HSD17B12: variants seen among roughly 807,000 people sequenced by gnomAD.
The protein encoded by HSD17B12 is hydroxysteroid 17-beta dehydrogenase 12.
In HSD17B12, 32 loss-of-function variants were observed where a neutral mutation model predicts 39.3. The observed-to-expected ratio is 0.81, with a 90% CI of 0.61 to 1.09. HSD17B12 has a LOEUF of 1.09. HSD17B12 is among the 50% of genes least tolerant of loss of function. HSD17B12 has a pLI of 0.00. For synonymous variants in HSD17B12, 150 were observed against 146.7 expected (o/e 1.02, Z -0.16); for missense variants, 342 against 382.9 (o/e 0.89, Z 0.89).
the HSD17B12 span, among the ~76,000 whole-genome samples, chr11:43,584,971 A>T: frequency 6.6e-6 from 1 of 152,142 alleles, no homozygotes; most frequent in Non-Finnish European, 1.5e-5. Flanking sequence ...CTCAGTACTG[A>T]GGGGTGTAGG....
chr11:43,569,892 A>G, the HSD17B12 span: 3 of 152,530 alleles, frequency 2.0e-5, no homozygotes, highest in African/African-American at 7.2e-5. Context: ...TCCTATTAAC[A>G]TTTGCCATAA....
intron 7 of HSD17B12, among the ~76,000 whole-genome samples, chr11:43,837,472 C>T (rs961347579): frequency 6.6e-6 from 1 of 152,106 alleles, no homozygotes; most frequent in Non-Finnish European, 1.5e-5. Context: ...CTACACTTTA[C>T]CTAACCTATA....
chr11:43,612,690 G>A, the HSD17B12 span, among the ~76,000 whole-genome samples: 4 of 152,218 alleles, frequency 2.6e-5, no homozygotes, highest in Non-Finnish European at 4.4e-5. Flanking sequence ...ACAGGCGTGA[G>A]CCTGTAAAGG....
chr11:43,659,488 G>T, the HSD17B12 span, among the ~76,000 whole-genome samples: 1 of 152,166 alleles, frequency 6.6e-6, no homozygotes, highest in African/African-American at 2.4e-5. Context: ...CATCGCTCAC[G>T]CTGGGAGCTG....
chr11:43,837,409 A>G (rs1460534485), intron 7 of HSD17B12, among the ~76,000 whole-genome samples: 3 of 152,158 alleles, frequency 2.0e-5, no homozygotes, highest in African/African-American at 7.2e-5. Flanking sequence ...TCCTCTGAGA[A>G]GAATGGATTT....
At chr11:43,689,120 C>T (rs1349075732) in intron 1 of HSD17B12, among the ~76,000 whole-genome samples, 1 of 152,134 alleles carries the variant, frequency 6.6e-6, no homozygotes, top group African/African-American at 2.4e-5. Flanking sequence ...TAAGCAGTTC[C>T]TTTATATATA....
chr11:43,804,320 G>A (rs1279565604), intron 4 of HSD17B12, among the ~76,000 whole-genome samples: 1 of 152,154 alleles, frequency 6.6e-6, no homozygotes, highest in African/African-American at 2.4e-5. Flanking sequence ...GCTGGTACAA[G>A]GTGACCTGTG....
At chr11:43,820,211 G>A (rs1453524595) in intron 6 of HSD17B12, among the ~76,000 whole-genome samples, 1 of 152,160 alleles carries the variant, frequency 6.6e-6, no homozygotes, top group Non-Finnish European at 1.5e-5. Flanking sequence ...AGGCTAGAGA[G>A]CTACAGAAAG....
At chr11:43,809,859 C>T (rs956023617) in intron 4 of HSD17B12, among the ~76,000 whole-genome samples, 1 of 152,098 alleles carries the variant, frequency 6.6e-6, no homozygotes, top group Admixed American at 6.6e-5. Flanking sequence ...AATAAGATGT[C>T]TTTTTATTAA....
chr11:43,640,676 T>C, the HSD17B12 span, among the ~76,000 whole-genome samples: 4 of 152,140 alleles, frequency 2.6e-5, no homozygotes, highest in East Asian at 1.9e-4. Flanking sequence ...TATTTAAATA[T>C]ATTGAAAGTA....
chr11:43,697,050 A>C (rs996465287), intron 1 of HSD17B12, among the ~76,000 whole-genome samples: 2 of 152,170 alleles, frequency 1.3e-5, no homozygotes, highest in African/African-American at 4.8e-5. Context: ...GCATTAGGAC[A>C]AATAGCTAAT....
chr11:43,586,721 T>C, the HSD17B12 span, among the ~76,000 whole-genome samples: 1 of 152,226 alleles, frequency 6.6e-6, no homozygotes, highest in African/African-American at 2.4e-5. Context: ...AACCCTGGAT[T>C]GAACTCCACT....
chr11:43,575,970 T>C, the HSD17B12 span, among the ~76,000 whole-genome samples: 1 of 152,326 alleles, frequency 6.6e-6, no homozygotes. This position sits in a 1 kb window ranked among gnomAD's most constrained non-coding sequence, Gnocchi z 4.1. Context: ...GATTTTTTTT[T>C]TCCTCATCTG....
chr11:43,798,446 T>C lies in HSD17B12; in HGVS notation c.391+19T>C, dbSNP rs1452687396. 2.8e-6 allele frequency: 4 copies of C among 1,429,848 alleles called. No individual in the cohort carries two copies. The highest frequency in any genetic ancestry group is 3.9e-6 in the Non-Finnish European group (4 of 1,020,234). 88.6% of individuals were successfully genotyped at this position (1,429,848 alleles called of 1,614,324 possible). On this transcript the variant is annotated intron_variant, in intron 4 of 10. Coordinates refer to ENST00000278353, the MANE Select transcript of HSD17B12 (RefSeq NM_016142.3). ...ATCTTAGGTTTGTATTTTTGCCACA[T>C]TTATAGGTTCTTCTTGTATTTATTA...
intron 1 of HSD17B12, among the ~76,000 whole-genome samples, chr11:43,732,674 G>C (rs1218568298): frequency 1.3e-5 from 2 of 152,118 alleles, no homozygotes; most frequent in Non-Finnish European, 2.9e-5. Context: ...TGTTGCCCAG[G>C]CTGGTCTCGA....
the HSD17B12 span, among the ~76,000 whole-genome samples, chr11:43,596,689 T>A: frequency 2.0e-5 from 3 of 152,204 alleles, no homozygotes; most frequent in Non-Finnish European, 2.9e-5. Flanking sequence ...CCTCCTGCCT[T>A]GACTTCTCAA....
At chr11:43,808,208 C>G (rs1047297054) in intron 4 of HSD17B12, among the ~76,000 whole-genome samples, 2 of 152,052 alleles carry the variant, frequency 1.3e-5, no homozygotes, top group Admixed American at 6.5e-5. Flanking sequence ...CATGCCCTTC[C>G]TTGCTAGAAG....
chr11:43,798,127 C>T lies in HSD17B12; in HGVS notation c.284-193C>T, dbSNP rs1029927478. ...TGTGACGACATTAGAATTTTTATTG[C>T]AGAACTAATGTGTTGACTCTATATC... On this transcript the variant is annotated intron_variant, in intron 3 of 10. Transcript: ENST00000278353. Among the ~76,000 whole-genome samples the T allele has an allele frequency of 4.1e-4, 63 of 152,118 alleles. 1 individual carries two copies. Among genetic ancestry groups the T allele is most frequent in the Non-Finnish European group, 5.9e-5 (4 of 68,012 alleles).
At chr11:43,781,243 T>C (rs1459421316) in intron 3 of HSD17B12, among the ~76,000 whole-genome samples, 1 of 152,232 alleles carries the variant, frequency 6.6e-6, no homozygotes, top group East Asian at 1.9e-4. Context: ...CTTAACGCTA[T>C]GTTTTTGATG....
Sources: gnomAD v4.1 joint callset for allele counts (sites outside exome capture counted in the v4.1 genomes callset) on GRCh38, gnomAD v4.1.1 for gene constraint, Gnocchi (gnomAD v3.1) non-coding constraint, MANE v1.5 for transcripts, NCBI Gene and HGNC (gene_info 2026-07-23, HGNC 2026-07-21) for gene names.